Variants in DSCAM observed in about 807,000 individuals in gnomAD.
The protein encoded by DSCAM is DS cell adhesion molecule, also known as cell adhesion molecule DSCAM.
A neutral mutation model predicts 217.7 loss-of-function variants in DSCAM; 47 were observed. The observed-to-expected ratio is 0.22, with a 90% CI of 0.17 to 0.28. The LOEUF (loss-of-function observed/expected upper bound fraction) is 0.28. DSCAM is among the 10% of genes least tolerant of loss of function. The pLI, the probability that DSCAM is intolerant of heterozygous loss-of-function variation, is 1.00. For synonymous variants in DSCAM, 1,056 were observed against 1,015.3 expected (o/e 1.04, Z -0.76); for missense variants, 2,080 against 2,618.3 (o/e 0.79, Z 4.49).
At chr21:40,231,383 T>A (rs936027024) in intron 11 of DSCAM, among the ~76,000 whole-genome samples, 1 of 152,142 alleles carries the variant, frequency 6.6e-6, no homozygotes. Flanking sequence ...GGTAAGCCAA[T>A]CTCTGTTGTT....
intron 10 of DSCAM, among the ~76,000 whole-genome samples, chr21:40,293,328 A>T (rs559085495): frequency 6.6e-6 from 1 of 152,186 alleles, no homozygotes; most frequent in East Asian, 1.9e-4. Flanking sequence ...TCCTACAGGG[A>T]AATGTGAAAG....
At chr21:40,728,126 A>G (rs1213653475) in intron 1 of DSCAM, among the ~76,000 whole-genome samples, 1 of 152,022 alleles carries the variant, frequency 6.6e-6, no homozygotes, top group African/African-American at 2.4e-5. Context: ...CTTACTCCCC[A>G]TGGCCCTCAG....
At chr21:40,253,337 T>C (rs534624972) in intron 11 of DSCAM, among the ~76,000 whole-genome samples, 63 of 152,224 alleles carry the variant, frequency 4.1e-4, no homozygotes, top group Non-Finnish European at 7.5e-4. Flanking sequence ...ATGTATTTGA[T>C]TACATGATAC....
chr21:40,546,254 G>T (rs879418793), intron 3 of DSCAM, among the ~76,000 whole-genome samples: 1 of 152,206 alleles, frequency 6.6e-6, no homozygotes. Flanking sequence ...AGAGCTGGGG[G>T]TCCACACACT....
chr21:40,381,930 ATGTG>A (rs771773465), intron 3 of DSCAM, among the ~76,000 whole-genome samples: 15 of 152,276 alleles, frequency 9.9e-5, no homozygotes, highest in East Asian at 3.9e-4. Flanking sequence ...ACATAAAGTT[ATGTG>A]TGTGTTTGTA....
rs1322872314 is a variant in DSCAM at position 40,384,004 on chromosome 21, G to A, written c.509-14759C>T. ...AGGGATAGGGGTCTACTGCTAGGAGGGAAAGATGAAGCTACTTAGGGGGAC... is the reference window on the plus strand; with the variant it reads ...AGGGATAGGGGTCTACTGCTAGGAGAGAAAGATGAAGCTACTTAGGGGGAC... On this transcript the variant is annotated intron_variant, in intron 3 of 32. Transcript: ENST00000400454. 3 of 152,342 alleles carry A rather than the reference G, an allele frequency of 2.0e-5. No individual in the cohort carries two copies. The East Asian group carries it at 5.8e-4, about 30-fold the overall frequency. 9.4% of individuals were successfully genotyped at this position (152,342 alleles called of 1,614,324 possible). A position where few individuals can be genotyped will look rare whatever the true frequency, so the allele number is the denominator to read the frequency against.
At chr21:40,132,164 T>A (rs2146686887) in intron 19 of DSCAM, among the ~76,000 whole-genome samples, 1 of 152,152 alleles carries the variant, frequency 6.6e-6, no homozygotes. Context: ...GGAGAGCAAA[T>A]AATCAAATAT....
chr21:40,668,679 T>A (rs1445732397), intron 3 of DSCAM, among the ~76,000 whole-genome samples: 1 of 152,200 alleles, frequency 6.6e-6, no homozygotes, highest in Admixed American at 6.5e-5. Flanking sequence ...ACTGTTTAAG[T>A]ACTATTCTGG....
At chr21:40,274,586 A>T (rs1157275187) in intron 11 of DSCAM, among the ~76,000 whole-genome samples, 1 of 152,226 alleles carries the variant, frequency 6.6e-6, no homozygotes, top group Non-Finnish European at 1.5e-5. Context: ...TCTGGTCAAC[A>T]TTGCTCCTCA....
intron 8 of DSCAM, among the ~76,000 whole-genome samples, chr21:40,322,927 AG>A (rs547201140): frequency 3.2e-4 from 48 of 152,362 alleles, no homozygotes; most frequent in African/African-American, 1.1e-3. Context: ...TGCACTGACC[AG>A]ATTCCTTTCA....
chr21:40,351,392 C>A (rs1444212787), intron 5 of DSCAM, among the ~76,000 whole-genome samples: 1 of 152,042 alleles, frequency 6.6e-6, no homozygotes, highest in Non-Finnish European at 1.5e-5. Context: ...GGTATCCGAC[C>A]CTGTTGTTTT....
chr21:40,735,552 C>G (rs2091054783), intron 1 of DSCAM, among the ~76,000 whole-genome samples: 2 of 152,176 alleles, frequency 1.3e-5, no homozygotes, highest in African/African-American at 4.8e-5. Context: ...GTGCAGTACC[C>G]ACCTACATTC....
chr21:40,240,271 C>T (rs1339541910), intron 11 of DSCAM, among the ~76,000 whole-genome samples: 1 of 150,626 alleles, frequency 6.6e-6, no homozygotes, highest in East Asian at 2.0e-4. Flanking sequence ...CTCCACCTTT[C>T]CTTTCTATTC....
At chr21:40,013,858 C>G (rs2837375) in intron 32 of DSCAM, among the ~76,000 whole-genome samples, 44,797 of 152,074 alleles carry the variant, frequency 0.29, 7,245 homozygotes, top group Middle Eastern at 0.43. Context: ...AACCTTGTGA[C>G]CTTGGCCAGC....
chr21:40,070,248 G>GGGAA (rs1337640013), intron 27 of DSCAM, among the ~76,000 whole-genome samples: 1 of 146,442 alleles, frequency 6.8e-6, no homozygotes, highest in Admixed American at 6.8e-5. Context: ...AAGGAAGGTA[G>GGGAA]GGAAGGAGGG....
chr21:40,378,743 T>C (rs955165736), intron 3 of DSCAM, among the ~76,000 whole-genome samples: 12 of 150,218 alleles, frequency 8.0e-5, no homozygotes, highest in Non-Finnish European at 8.9e-5. Flanking sequence ...AGGCGCCCGC[T>C]ACCACGCCCG....
intron 3 of DSCAM, among the ~76,000 whole-genome samples, chr21:40,690,940 G>A (rs1014910471): frequency 2.0e-5 from 3 of 152,170 alleles, no homozygotes; most frequent in Admixed American, 6.5e-5. Context: ...TCGGGGTGGA[G>A]GGTGGGAGAA....
Position 40,517,404 on chromosome 21 carries a change from AACACACAC to A in DSCAM, c.509-148167_509-148160del, listed in dbSNP as rs3070750. Among the ~76,000 whole-genome samples the A allele has an allele frequency of 7.8e-3, 1,133 of 144,732 alleles. 6 individuals carry two copies. The highest frequency in any genetic ancestry group is 0.014 in the Middle Eastern group (4 of 278). The allele number at this position is 144,732 out of a possible 152,430, so 94.9% of individuals were successfully genotyped here. Reference sequence around the variant, plus strand: ...CACACATCTATACACACACACAAGCAACACACACACACACACACACACACACACACACA... The same window carrying A: ...CACACATCTATACACACACACAAGCAACACACACACACACACACACACACA... On this transcript the variant is annotated intron_variant, in intron 3 of 32. Transcript: ENST00000400454.
chr21:40,538,853 G>A (rs1038549676), intron 3 of DSCAM, among the ~76,000 whole-genome samples: 1 of 152,088 alleles, frequency 6.6e-6, no homozygotes, highest in South Asian at 2.1e-4. Flanking sequence ...ATTATTCGGG[G>A]TCTCAGACAC....
Sources: gnomAD v4.1 joint callset for allele counts (sites outside exome capture counted in the v4.1 genomes callset) on GRCh38, gnomAD v4.1.1 for gene constraint, MANE v1.5 for transcripts, NCBI Gene and HGNC (gene_info 2026-07-23, HGNC 2026-07-21) for gene names.